MLLT6: variants seen among roughly 807,000 people sequenced by gnomAD.
The protein encoded by MLLT6 is MLLT6, PHD finger containing, also known as protein AF-17.
A neutral mutation model predicts 103.0 loss-of-function variants in MLLT6; 22 were observed. That is an observed-to-expected ratio of 0.21 (90% CI 0.15 to 0.31). MLLT6 has a LOEUF of 0.31. Ranked by LOEUF, MLLT6 falls within the 10% of genes least tolerant of loss-of-function variation. The pLI, the probability that MLLT6 is intolerant of heterozygous loss-of-function variation, is 1.00. For missense variants in MLLT6, 1,199 were observed against 1,441.7 expected (o/e 0.83, Z 2.73); for synonymous variants, 606 against 623.5 (o/e 0.97, Z 0.42).
In MLLT6 at chr17:38,723,485, C is replaced by T. The variant is rs545510704; in HGVS notation, c.2883+717C>T. ...CCAGCCTGGGTGACAGAATGAGACCCTGTCTCAAAAACAAAACAGGGAGTT... is the reference window on the plus strand; with the variant it reads ...CCAGCCTGGGTGACAGAATGAGACCTTGTCTCAAAAACAAAACAGGGAGTT... On this transcript the variant is annotated intron_variant, in intron 18 of 19. Transcript: ENST00000621332. Among the ~76,000 whole-genome samples, 5 of 152,194 alleles carry T rather than the reference C, an allele frequency of 3.3e-5. No homozygotes were observed. The South Asian group carries it at 8.3e-4, about 25-fold the overall frequency.
In MLLT6 at chr17:38,720,282, G is replaced by A. The variant is rs903342534; in HGVS notation, c.2156-90G>A. Reference sequence around the variant, plus strand: ...ATGGCGCCGCCTTTTCAAGGGCTGAGCACTGGCTCCCCTCCAGGCCCCGCC... The same window carrying A: ...ATGGCGCCGCCTTTTCAAGGGCTGAACACTGGCTCCCCTCCAGGCCCCGCC... On this transcript the variant is annotated intron_variant, in intron 14 of 19. Coordinates refer to ENST00000621332, the MANE Select transcript of MLLT6 (RefSeq NM_005937.4). The A allele has an allele frequency of 3.1e-6, 4 of 1,276,788 alleles. No individual in the cohort carries two copies. In the Admixed American group the frequency reaches 6.4e-5, roughly 20 times the overall value. 79.1% of individuals were successfully genotyped at this position (1,276,788 alleles called of 1,614,324 possible).
At position 38,720,568 on chromosome 17, in the gene MLLT6, A is replaced by G. The variant is rs1905667339; in HGVS notation, c.2352A>G (p.Gln784=). The change falls in exon 15 of 20, where the codon CAA becomes CAG. Residue 784 remains glutamine (Q), a splice_region_variant and synonymous_variant. Transcript: ENST00000621332. ...CTGGGCCCTATGGCCTGCCTCCCCA[A>G]GGTGAGGGGATCCTGCCCAGCCCGG... is the stretch of plus-strand genomic sequence containing the variant. ...PVPGPYGLPP[Q]AGSSDSLSTS... is the part of the protein sequence containing the mutation. 3.7e-6 allele frequency: 6 copies of G among 1,612,350 alleles called. No individual in the cohort carries two copies. Among genetic ancestry groups the G allele is most frequent in the Non-Finnish European group, 5.1e-6 (6 of 1,179,662 alleles).
rs1905084867 is a variant in MLLT6, at chr17:38,709,866, A to G, written c.552+291A>G. On this transcript the variant is annotated intron_variant, in intron 6 of 19. Transcript: ENST00000621332. This position sits in a 1 kb window ranked among gnomAD's most constrained non-coding sequence, Gnocchi z 4.3. ...GCATTTAAGCTGAGTGGAGGTGGAA[A>G]TCAAAGTAAGAGCCAACATTTGTGT... Among the ~76,000 whole-genome samples the G allele has an allele frequency of 6.6e-6, 1 of 152,224 alleles. No homozygotes were observed. The highest frequency in any genetic ancestry group is 2.4e-5 in the African/African-American group (1 of 41,462).
chr17:38,725,075 G>A, intron 19 of MLLT6, 99 bp downstream of exon 19: 1 of 898,718 alleles, frequency 1.1e-6, no homozygotes, highest in East Asian at 2.7e-5. Context: ...CAGGGGGAAG[G>A]AAGCAACCCC....
rs745726893 is a variant in MLLT6 at position 38,706,969 on chromosome 17, G to A, written c.129G>A (p.Gln43=). ...CCTCAGCTTGCTATGGCATCGTTCAGGTGCCAACGGGACCCTGGTTCTGCC... is the reference window on the plus strand; with the variant it reads ...CCTCAGCTTGCTATGGCATCGTTCAAGTGCCAACGGGACCCTGGTTCTGCC... ...AVHQACYGIV[Q]VPTGPWFCRK... The change falls in exon 2 of 20, where the codon CAG becomes CAA. Residue 43 remains glutamine (Q), a synonymous_variant. Transcript: ENST00000621332. The A allele has an allele frequency of 1.8e-5, 29 of 1,612,052 alleles. No individual in the cohort carries two copies. The highest frequency in any genetic ancestry group is 2.5e-5 in the Non-Finnish European group (29 of 1,178,338).
At chr17:38,708,423 A>C (rs1279391783) in intron 4 of MLLT6, 1 of 154,362 alleles carries the variant, frequency 6.5e-6, no homozygotes, top group African/African-American at 2.4e-5. Context: ...GCCAGCTTCC[A>C]GGAGGGTAAG....
At position 38,724,588 on chromosome 17, in the gene MLLT6, G is replaced by A; in HGVS notation, c.2884-32G>A. ...CAGCAGGGAAGAGACCCCCGGGACT[G>A]TTGGCCAACAAGCGGTCTGGCCCCC... On this transcript the variant is annotated intron_variant, in intron 18 of 19. Transcript: ENST00000621332. The surrounding 1 kb of genome is among the most constrained non-coding windows in gnomAD (Gnocchi z 5.4). 1 of 1,528,760 alleles carries A rather than the reference G, an allele frequency of 6.5e-7. No individual in the cohort carries two copies. Among genetic ancestry groups the A allele is most frequent in the East Asian group, 2.3e-5 (1 of 43,848 alleles). 94.7% of individuals were successfully genotyped at this position (1,528,760 alleles called of 1,614,324 possible).
Position 38,724,559 on chromosome 17 carries a change from C to G in MLLT6, c.2884-61C>G. On this transcript the variant is annotated intron_variant, in intron 18 of 19. Transcript: ENST00000621332. This position sits in a 1 kb window ranked among gnomAD's most constrained non-coding sequence, Gnocchi z 5.4. ...GTGGGGCCTGGCCAGGCAGGGCAGG[C>G]AGGCAGCAGGGAAGAGACCCCCGGG... is the stretch of plus-strand genomic sequence containing the variant. The G allele has an allele frequency of 7.4e-7, 1 of 1,353,542 alleles. No homozygotes were observed. Among genetic ancestry groups the G allele is most frequent in the South Asian group, 1.4e-5 (1 of 70,374 alleles). The allele number at this position is 1,353,542 out of a possible 1,614,324, so 83.8% of individuals were successfully genotyped here. A position where few individuals can be genotyped will look rare whatever the true frequency, so the allele number is the denominator to read the frequency against.
In MLLT6 at chr17:38,716,595, C is replaced by T; in HGVS notation, c.1265C>T (p.Pro422Leu). ...TTSSSGRARA[P>L]SPGDYKSPHV... ...TCCAGCTCAGGCCGGGCCCGGGCGC[C>T]CTCCCCTGGGGACTATAAGTCTCCC... is the stretch of plus-strand genomic sequence containing the variant. The change falls in exon 10 of 20, where the codon CCC (proline) becomes CTC (leucine). Residue 422 changes from proline (P) to leucine (L), a missense_variant. Around this residue, in one of 7 missense-constraint regions of MLLT6, gnomAD observed 1,034 missense variants for 1,091.5 expected, o/e 0.95. Coordinates refer to ENST00000621332, the MANE Select transcript of MLLT6 (RefSeq NM_005937.4). The surrounding 1 kb of genome is among the most constrained non-coding windows in gnomAD (Gnocchi z 5.6). The T allele has an allele frequency of 6.2e-7, 1 of 1,614,036 alleles. No individual in the cohort carries two copies.
rs1164401661 is a variant in MLLT6 at position 38,724,678 on chromosome 17, A to G, written c.2942A>G (p.Gln981Arg). ...CAGATCCAGCAGAAACGGGAGCTGC[A>G]GCGCCTGCAGATGGCTGGGGGCTCC... ...IQQIQQKREL[Q>R]RLQMAGGSQL... The change falls in exon 19 of 20, where the codon CAG becomes CGG. Residue 981 changes from glutamine (Q) to arginine (R), a missense_variant. By Grantham distance (43) the Gln-to-Arg change is conservative. Transcript: ENST00000621332. This position sits in a 1 kb window ranked among gnomAD's most constrained non-coding sequence, Gnocchi z 5.4. 1 of 1,612,588 alleles carries G rather than the reference A, an allele frequency of 6.2e-7. No homozygotes were observed. Among genetic ancestry groups the G allele is most frequent in the Non-Finnish European group, 8.5e-7 (1 of 1,179,454 alleles).
intron 19 of MLLT6, 107 bp from the exon 20 acceptor site, chr17:38,725,450 C>T (rs976796654): frequency 5.8e-6 from 6 of 1,028,204 alleles, no homozygotes; most frequent in Non-Finnish European, 8.7e-6. Flanking sequence ...TCCATTGGCC[C>T]CGTTTCAGTA....
rs1163025536 is a variant in MLLT6, at chr17:38,716,558, T to A, written c.1228T>A (p.Ser410Thr). 1.2e-5 allele frequency: 19 copies of A among 1,613,946 alleles called. No individual in the cohort carries two copies. Among genetic ancestry groups the A allele is most frequent in the South Asian group, 3.3e-5 (3 of 91,076 alleles). The change falls in exon 10 of 20, where the codon TCC becomes ACC. Residue 410 changes from serine to threonine, a missense_variant. Coordinates refer to ENST00000621332, the MANE Select transcript of MLLT6 (RefSeq NM_005937.4). The surrounding 1 kb of genome is among the most constrained non-coding windows in gnomAD (Gnocchi z 5.6). ...TGGCTTTGGGCCCATCATGCGCTTC[T>A]CCACCACCACCTCCAGCTCAGGCCG... ...FSGFGPIMRF[S>T]TTTSSSGRAR... is the part of the protein sequence containing the mutation.
intron 7 of MLLT6, 66 bp downstream of exon 7, chr17:38,712,080 A>G: frequency 6.8e-7 from 1 of 1,461,164 alleles, no homozygotes; most frequent in Admixed American, 2.7e-5. Context: ...AACATGGCTC[A>G]AAAAGCCATC....
At position 38,720,390 on chromosome 17, in the gene MLLT6, C is replaced by G; in HGVS notation, c.2174C>G (p.Ala725Gly). The change falls in exon 15 of 20, where the codon GCG becomes GGG. Residue 725 changes from alanine to glycine, a missense_variant. This residue lies in a region of MLLT6 where 1,034 missense variants were observed against 1,091.5 expected (regional missense o/e 0.95). Coordinates refer to ENST00000621332, the MANE Select transcript of MLLT6 (RefSeq NM_005937.4). ...TCCGCAGTCGTGGAGATGCTGAAGGCGCTGCACGCGCTGCAGAAGGAGAAC... is the reference window on the plus strand; with the variant it reads ...TCCGCAGTCGTGGAGATGCTGAAGGGGCTGCACGCGCTGCAGAAGGAGAAC... ...AGVNIVEMLK[A>G]LHALQKENQR... 3 of 1,472,048 alleles carry G rather than the reference C, an allele frequency of 2.0e-6. No homozygotes were observed. The highest frequency in any genetic ancestry group is 2.7e-6 in the Non-Finnish European group (3 of 1,094,292). 91.2% of individuals were successfully genotyped at this position (1,472,048 alleles called of 1,614,324 possible).
In MLLT6 at chr17:38,724,932, A is replaced by C. The variant is rs1396957538; in HGVS notation, c.3196A>C (p.Ser1066Arg). The C allele has an allele frequency of 1.3e-6, 2 of 1,550,492 alleles. No homozygotes were observed. Among genetic ancestry groups the C allele is most frequent in the African/African-American group, 2.7e-5 (2 of 73,078 alleles). Reference protein sequence around the residue: ...VLTAQTNPFLSLSGAEGSGGG... With the variant: ...VLTAQTNPFLRLSGAEGSGGG... The stretch of plus-strand genomic sequence containing the variant: ...CACTGCCCAGACCAACCCCTTCCTC[A>C]GCCTGTCGGGAGCAGAGGGCAGTGG... Residue 1066 changes from serine (S) to arginine (R), a missense_variant, in exon 19 of 20, where the codon AGC becomes CGC. Transcript: ENST00000621332. The surrounding 1 kb of genome is among the most constrained non-coding windows in gnomAD (Gnocchi z 5.4).
chr17:38,715,523 G>A lies in MLLT6; in HGVS notation c.820-89G>A, dbSNP rs1270235212. ...GCTGTGGGCTCTCCCAGTTGAGCTA[G>A]GTCCTGTGCCCTCCTGCTTCACTCC... On this transcript the variant is annotated intron_variant, in intron 8 of 19. Coordinates refer to ENST00000621332, the MANE Select transcript of MLLT6 (RefSeq NM_005937.4). 4 of 1,463,268 alleles carry A rather than the reference G, an allele frequency of 2.7e-6. No individual in the cohort carries two copies. The Admixed American group carries it at 1.0e-4, about 38-fold the overall frequency. The allele number at this position is 1,463,268 out of a possible 1,614,324, so 90.6% of individuals were successfully genotyped here.
intron 18 of MLLT6, 114 bp downstream of exon 18, chr17:38,722,882 T>C (rs1905838957): frequency 1.3e-6 from 1 of 796,182 alleles, no homozygotes; most frequent in Admixed American, 2.1e-5. Context: ...GAGGGGAAGC[T>C]CTAGGCTGGG....
intron 16 of MLLT6, 112 bp downstream of exon 16, chr17:38,720,859 A>G (rs2143703407): frequency 1.1e-6 from 1 of 905,102 alleles, no homozygotes; most frequent in Non-Finnish European, 1.7e-6. Flanking sequence ...TGACTGAGCA[A>G]TTGATTGATC....
At chr17:38,719,919 G>C in intron 14 of MLLT6, 24 bp downstream of exon 14, 1 of 1,550,992 alleles carries the variant, frequency 6.4e-7, no homozygotes, top group Non-Finnish European at 8.7e-7. Flanking sequence ...GCGCCGGTCG[G>C]GACGCCTGCC....
Sources: allele counts gnomAD v4.1 joint callset (sites outside exome capture counted in the v4.1 genomes callset), GRCh38; gene constraint gnomAD v4.1.1; regional missense constraint gnomAD v4.1.1; non-coding constraint Gnocchi (gnomAD v3.1); transcripts MANE v1.5; gene names NCBI Gene and HGNC (gene_info 2026-07-23, HGNC 2026-07-21).